Variants in PACSIN2 observed in about 807,000 individuals in gnomAD.
PACSIN2 encodes the protein protein kinase C and casein kinase substrate in neurons protein 2.
Under a neutral mutation model 63.8 loss-of-function variants are expected in PACSIN2, and 25 were observed. The observed-to-expected ratio is 0.39, with a 90% CI of 0.29 to 0.55. PACSIN2 has a LOEUF of 0.55. PACSIN2 is among the 20% of genes least tolerant of loss of function. PACSIN2 has a pLI of 0.62. For missense variants in PACSIN2, 518 were observed against 646.9 expected, an observed-to-expected ratio of 0.80 and a Z score of 2.16; for synonymous variants, 255 against 256.2, an observed-to-expected ratio of 1.00 and a Z score of 0.05.
intron 2 of PACSIN2, among the ~76,000 whole-genome samples, chr22:42,911,577 G>A (rs961530291): frequency 1.3e-4 from 20 of 152,166 alleles, no homozygotes; most frequent in African/African-American, 4.6e-4. Flanking sequence ...CAAGTTTGAA[G>A]GCATTTGGCC....
intron 2 of PACSIN2, among the ~76,000 whole-genome samples, chr22:42,903,762 T>C (rs1035473618): frequency 6.6e-6 from 1 of 152,206 alleles, no homozygotes; most frequent in African/African-American, 2.4e-5. Context: ...TTGAGTCTGA[T>C]CTACAATCCA....
intron 1 of PACSIN2, among the ~76,000 whole-genome samples, chr22:42,987,489 CACACCCAT>C (rs1332886968): frequency 0.015 from 1,680 of 114,016 alleles, 44 homozygotes; most frequent in African/African-American, 0.049. Flanking sequence ...CACACACACA[CACACCCAT>C]GGCACCATGT....
intron 1 of PACSIN2, among the ~76,000 whole-genome samples, chr22:42,944,817 G>A (rs1399684991): frequency 6.6e-6 from 1 of 152,184 alleles, no homozygotes; most frequent in African/African-American, 2.4e-5. Context: ...GAGGACTGTA[G>A]CTGGGCGCGG....
At chr22:42,909,552 G>T (rs773031489) in intron 2 of PACSIN2, 4 of 471,164 alleles carry the variant, frequency 8.5e-6, no homozygotes, top group South Asian at 6.2e-5. Context: ...ACAGCACTGC[G>T]GAGTTGATAC....
At chr22:42,927,268 C>CA (rs1932597016) in intron 1 of PACSIN2, among the ~76,000 whole-genome samples, 1 of 150,388 alleles carries the variant, frequency 6.6e-6, no homozygotes, top group South Asian at 2.1e-4. Flanking sequence ...TTTTTTGAGA[C>CA]AGAGTCTCGC....
chr22:43,007,380 T>C, intron 1 of PACSIN2, among the ~76,000 whole-genome samples: 1 of 152,162 alleles, frequency 6.6e-6, no homozygotes, highest in East Asian at 1.9e-4. Flanking sequence ...CACGCCCAGC[T>C]AATTTTTGTA....
intron 1 of PACSIN2, among the ~76,000 whole-genome samples, chr22:42,926,124 T>C (rs1483574027): frequency 6.6e-6 from 1 of 152,192 alleles, no homozygotes; most frequent in Non-Finnish European, 1.5e-5. Context: ...TCTGGAAAAG[T>C]GAACATTCCT....
intron 1 of PACSIN2, among the ~76,000 whole-genome samples, chr22:42,971,547 T>C (rs113150084): frequency 0.021 from 3,148 of 150,924 alleles, 105 homozygotes; most frequent in African/African-American, 0.073. Flanking sequence ...TGGCAGCCCA[T>C]CGTCTGGGAT....
intron 1 of PACSIN2, among the ~76,000 whole-genome samples, chr22:42,985,322 G>A (rs1190398184): frequency 1.3e-5 from 2 of 152,228 alleles, no homozygotes; most frequent in African/African-American, 2.4e-5. Context: ...GCGACAGAGC[G>A]AGACTCCATC....
chr22:42,897,380 A>G (rs1057328102), intron 2 of PACSIN2, among the ~76,000 whole-genome samples: 5 of 152,238 alleles, frequency 3.3e-5, no homozygotes, highest in African/African-American at 7.2e-5. Context: ...TTTCTGCTCT[A>G]TCAGTTTTGT....
At chr22:42,961,681 G>C (rs566125885) in intron 1 of PACSIN2, among the ~76,000 whole-genome samples, 2 of 152,110 alleles carry the variant, frequency 1.3e-5, no homozygotes, top group African/African-American at 4.8e-5. Flanking sequence ...GCTGAGGCAC[G>C]AGAATCGCTT....
intron 2 of PACSIN2, among the ~76,000 whole-genome samples, chr22:42,899,806 A>G (rs1930548278): frequency 6.6e-6 from 1 of 152,224 alleles, no homozygotes; most frequent in Non-Finnish European, 1.5e-5. Flanking sequence ...GATGTGCGCG[A>G]CTACGCCGAC....
chr22:42,937,313 A>G (rs941283772), intron 1 of PACSIN2, among the ~76,000 whole-genome samples: 2 of 152,128 alleles, frequency 1.3e-5, no homozygotes, highest in African/African-American at 2.4e-5. Flanking sequence ...CCCCAGCAAA[A>G]GGCAAGAGAG....
intron 1 of PACSIN2, among the ~76,000 whole-genome samples, chr22:42,931,406 G>A (rs1371216269): frequency 6.6e-6 from 1 of 152,238 alleles, no homozygotes; most frequent in Non-Finnish European, 1.5e-5. Context: ...TGGCTTCCAA[G>A]CCAGCGACAC....
At chr22:42,923,491 G>A (rs1249106919) in intron 1 of PACSIN2, among the ~76,000 whole-genome samples, 4 of 152,120 alleles carry the variant, frequency 2.6e-5, no homozygotes, top group African/African-American at 4.8e-5. Context: ...GCAGTGGCGT[G>A]ATCTCGGCTC....
chr22:42,911,844 C>A (rs1166537873), intron 2 of PACSIN2, among the ~76,000 whole-genome samples, 177 bp downstream of exon 2: 1 of 152,244 alleles, frequency 6.6e-6, no homozygotes, highest in Non-Finnish European at 1.5e-5. Context: ...CATACCTGAA[C>A]TGCCTAAAAA....
chr22:42,942,119 A>G (rs1361065720), intron 1 of PACSIN2, among the ~76,000 whole-genome samples: 4 of 72,264 alleles, frequency 5.5e-5, no homozygotes, highest in African/African-American at 1.7e-4. Context: ...TTTTTTTTTT[A>G]ATTCTTTCAA....
chr22:42,965,093 T>C (rs1920941821), intron 1 of PACSIN2, among the ~76,000 whole-genome samples: 1 of 152,128 alleles, frequency 6.6e-6, no homozygotes, highest in Non-Finnish European at 1.5e-5. Context: ...TGAAAACCAC[T>C]CGGCAATAAA....
chr22:42,984,300 C>A (rs946214046), intron 1 of PACSIN2, among the ~76,000 whole-genome samples: 2 of 149,478 alleles, frequency 1.3e-5, no homozygotes, highest in African/African-American at 4.9e-5. Flanking sequence ...AAATAAAATT[C>A]TTCCTGCCCT....
Sources: allele counts gnomAD v4.1 joint callset (sites outside exome capture counted in the v4.1 genomes callset), GRCh38; gene constraint gnomAD v4.1.1; transcripts MANE v1.5; gene names NCBI Gene and HGNC (gene_info 2026-07-23, HGNC 2026-07-21).